GLI3: variants seen among roughly 807,000 people sequenced by gnomAD.
The protein encoded by GLI3 is transcription activator GLI3.
In GLI3, 20 loss-of-function variants were observed where a neutral mutation model predicts 100.8. The observed-to-expected ratio is 0.20, with a 90% CI of 0.14 to 0.29. The LOEUF (loss-of-function observed/expected upper bound fraction) is 0.29, where lower values mean the gene tolerates loss of function less well. Among genes scored for constraint, GLI3 ranks in the 10% least tolerant of loss-of-function variants. The pLI is 1.00. For synonymous variants in GLI3, 938 were observed against 860.5 expected, an observed-to-expected ratio of 1.09 and a Z score of -1.58; for missense variants, 2,040 against 2,128.5, an observed-to-expected ratio of 0.96 and a Z score of 0.82.
intron 7 of GLI3, among the ~76,000 whole-genome samples, 179 bp from the exon 8 acceptor site, chr7:42,026,591 T>C (rs1193002334): frequency 6.6e-6 from 1 of 152,136 alleles, no homozygotes; most frequent in Non-Finnish European, 1.5e-5. Context: ...AACACTGAGA[T>C]GAGACACACA....
chr7:42,132,099 T>A (rs1786291595), intron 3 of GLI3, among the ~76,000 whole-genome samples: 1 of 151,944 alleles, frequency 6.6e-6, no homozygotes, highest in South Asian at 2.1e-4. Context: ...ATTTATTTAT[T>A]CATTTATTTA....
Position 41,965,000 on chromosome 7 carries a change from T to A in GLI3, c.4073A>T (p.Gln1358Leu), listed in dbSNP as rs374261741. 1.2e-6 allele frequency: 2 copies of A among 1,613,858 alleles called. No individual in the cohort carries two copies. Among genetic ancestry groups the A allele is most frequent in the African/African-American group, 2.7e-5 (2 of 75,062 alleles). ...CCCTGGCAGGCAGCTCTCTGGCCCT[T>A]GGTAGATGTTGATGTGTGAGGTAGC... The part of the protein sequence containing the change: ...ISATSHINIY[Q>L]GPESCLPGAH... Residue 1358 changes from glutamine to leucine, a missense_variant, in exon 15 of 15, where the codon CAA (glutamine) becomes CTA (leucine). This residue lies in a region of GLI3 where 1,041 missense variants were observed against 924.0 expected (regional missense o/e 1.13). Transcript: ENST00000395925.
chr7:42,123,810 G>A (rs1388050233), intron 3 of GLI3, among the ~76,000 whole-genome samples: 1 of 152,186 alleles, frequency 6.6e-6, no homozygotes, highest in African/African-American at 2.4e-5. Context: ...ATTGACATCT[G>A]ACCTTTAAAA....
rs769956877 is a variant in GLI3, at chr7:42,040,105, G to A, written c.961C>T (p.Leu321Phe). The change falls in exon 7 of 15, where the codon CTC becomes TTC. Residue 321 changes from leucine to phenylalanine, a missense_variant. Leu to Phe is a conservative substitution (Grantham distance 22). This residue lies in a region of GLI3 where 603 missense variants were observed against 690.9 expected (regional missense o/e 0.87). Coordinates refer to ENST00000395925, the MANE Select transcript of GLI3 (RefSeq NM_000168.6). ...RTSPNSLVTILNNSRSSSSAS... is the reference protein window; with the variant it reads ...RTSPNSLVTIFNNSRSSSSAS... ...GAAGAGCTGCTACGGGAATTATTGAGAATCGTGACCAAGGAGTTGGGAGAC... is the reference window on the plus strand; with the variant it reads ...GAAGAGCTGCTACGGGAATTATTGAAAATCGTGACCAAGGAGTTGGGAGAC... 34 of 1,613,928 alleles carry A rather than the reference G, an allele frequency of 2.1e-5. No homozygotes were observed. The highest frequency in any genetic ancestry group is 1.9e-5 in the Non-Finnish European group (23 of 1,179,916).
intron 3 of GLI3, among the ~76,000 whole-genome samples, chr7:42,086,834 C>T (rs1785111695): frequency 6.6e-6 from 1 of 152,146 alleles, no homozygotes; most frequent in Non-Finnish European, 1.5e-5. Context: ...ACTGCCTTGC[C>T]CTCTGACGGC....
chr7:42,235,395 C>T (rs767452657), intron 1 of GLI3, among the ~76,000 whole-genome samples: 1 of 152,124 alleles, frequency 6.6e-6, no homozygotes, highest in Non-Finnish European at 1.5e-5. Context: ...CTTAAATAGA[C>T]TGAAAAGAGC....
chr7:42,256,715 G>C (rs1429732486), intron 1 of GLI3, among the ~76,000 whole-genome samples: 1 of 152,078 alleles, frequency 6.6e-6, no homozygotes, highest in Non-Finnish European at 1.5e-5. Flanking sequence ...TTTGTAGTAT[G>C]AGGCTTCCAA....
intron 8 of GLI3, among the ~76,000 whole-genome samples, chr7:42,025,628 A>G (rs1217919280): frequency 2.0e-5 from 3 of 152,224 alleles, no homozygotes; most frequent in African/African-American, 7.2e-5. Flanking sequence ...AAGCTAGAAG[A>G]ATGGAGCTGA....
intron 2 of GLI3, among the ~76,000 whole-genome samples, chr7:42,178,734 T>C (rs1056170957): frequency 6.6e-6 from 1 of 152,060 alleles, no homozygotes; most frequent in African/African-American, 2.4e-5. Flanking sequence ...GAGGAAAGGA[T>C]AGTGTTTGTT....
chr7:42,187,757 C>A (rs554379115), intron 2 of GLI3, among the ~76,000 whole-genome samples: 2 of 152,114 alleles, frequency 1.3e-5, no homozygotes, highest in South Asian at 2.1e-4. Context: ...GTAATCCCAG[C>A]ACTTTGGGAG....
chr7:42,024,594 G>A lies in GLI3; in HGVS notation c.1356+670C>T, dbSNP rs1414064211. 3.7e-4 allele frequency among the ~76,000 whole-genome samples: 57 copies of A among 152,184 alleles called. 2 individuals are homozygous for A. Among genetic ancestry groups the A allele is most frequent in the Admixed American group, 3.7e-3 (56 of 15,276 alleles). ...ATGGTGGGGAATTAGCATTCATAGA[G>A]CTCCTTCCTGCATCAGGCTGAGAGC... On this transcript the variant is annotated intron_variant, in intron 9 of 14. Coordinates refer to ENST00000395925, the MANE Select transcript of GLI3 (RefSeq NM_000168.6).
chr7:42,180,687 C>T (rs898323796), intron 2 of GLI3, among the ~76,000 whole-genome samples: 8 of 152,140 alleles, frequency 5.3e-5, no homozygotes, highest in Non-Finnish European at 8.8e-5. Context: ...GATGAGAAGT[C>T]GGTGAAAATT....
intron 7 of GLI3, among the ~76,000 whole-genome samples, chr7:42,032,109 C>T (rs1169501121): frequency 6.6e-6 from 1 of 152,130 alleles, no homozygotes; most frequent in Non-Finnish European, 1.5e-5. Context: ...TAGGGCTAAA[C>T]AGAGTACAGG....
chr7:42,039,809 T>C (rs559076313), intron 7 of GLI3, among the ~76,000 whole-genome samples: 11 of 152,330 alleles, frequency 7.2e-5, no homozygotes, highest in African/African-American at 2.6e-4. Flanking sequence ...AACTGCTATT[T>C]CTATATAGGG....
chr7:42,221,445 T>G (rs1465655774), intron 2 of GLI3, among the ~76,000 whole-genome samples: 1 of 152,092 alleles, frequency 6.6e-6, no homozygotes, highest in Non-Finnish European at 1.5e-5. Context: ...ATATGCATGC[T>G]CACACGCATG....
At chr7:42,176,084 G>A (rs996934393) in intron 2 of GLI3, among the ~76,000 whole-genome samples, 4 of 152,102 alleles carry the variant, frequency 2.6e-5, no homozygotes, top group African/African-American at 7.2e-5. Context: ...AATGATAAAG[G>A]AGGATTGTCA....
chr7:42,227,120 A>G (rs1445211219), intron 1 of GLI3, among the ~76,000 whole-genome samples: 3 of 152,208 alleles, frequency 2.0e-5, no homozygotes, highest in Admixed American at 1.3e-4. Context: ...CCTGAGGAAA[A>G]CATGCCACTG....
At chr7:42,020,706 C>T (rs1040231896) in intron 10 of GLI3, among the ~76,000 whole-genome samples, 13 of 151,980 alleles carry the variant, frequency 8.6e-5, no homozygotes, top group African/African-American at 2.9e-4. Flanking sequence ...CTGGCTAACA[C>T]GGTGAAACCC....
At chr7:42,234,548 G>T (rs1788753347) in intron 1 of GLI3, among the ~76,000 whole-genome samples, 1 of 152,064 alleles carries the variant, frequency 6.6e-6, no homozygotes, top group South Asian at 2.1e-4. Context: ...TCTGTCTATG[G>T]TCCTTTGCAA....
Sources: allele counts gnomAD v4.1 joint callset (sites outside exome capture counted in the v4.1 genomes callset), GRCh38; gene constraint gnomAD v4.1.1; regional missense constraint gnomAD v4.1.1; transcripts MANE v1.5; gene names NCBI Gene and HGNC (gene_info 2026-07-23, HGNC 2026-07-21).